The following YARS1 variants were observed in gnomAD, a reference collection of about 807,000 sequenced individuals.
YARS1 encodes the protein tyrosine--tRNA ligase, cytoplasmic.
In YARS1, 36 loss-of-function variants were observed where a neutral mutation model predicts 62.2. The ratio of observed to expected loss-of-function variants is 0.58; its 90% confidence interval spans 0.44 to 0.76. The LOEUF is 0.76. Ranked by LOEUF, YARS1 falls within the 30% of genes least tolerant of loss-of-function variation. The pLI is 0.00. For synonymous variants in YARS1, 234 were observed against 244.9 expected (o/e 0.96, Z 0.42); for missense variants, 524 against 639.8 (o/e 0.82, Z 1.95).
chr1:32,782,750 T>C (rs571599949), intron 8 of YARS1: 75 of 624,382 alleles, frequency 1.2e-4, no homozygotes, highest in African/African-American at 1.2e-3. Context: ...CTATACTAAC[T>C]TGAGGGTGTT....
intron 3 of YARS1, among the ~76,000 whole-genome samples, chr1:32,808,757 T>C (rs1302319255): frequency 2.6e-5 from 4 of 152,220 alleles, no homozygotes; most frequent in Non-Finnish European, 4.4e-5. Context: ...AGGGCTTCCC[T>C]AACCAACTCA....
chr1:32,798,012 A>G (rs1569747938), intron 4 of YARS1, 169 bp from the exon 5 acceptor site: 2 of 619,650 alleles, frequency 3.2e-6, no homozygotes, highest in East Asian at 6.0e-5. Context: ...TTGGGATTAC[A>G]GACATGCACC....
chr1:32,775,826 G>A lies in YARS1; in HGVS notation c.*155C>T, dbSNP rs1652837086. On this transcript the variant is annotated 3_prime_UTR_variant, in exon 13 of 13. Transcript: ENST00000373477. ...CAGGATGATCCTGGGTTCTGGGGAG[G>A]GTAAGCTGCCCCTTGCCGAGTTCTG... 1 of 707,026 alleles carries A rather than the reference G, an allele frequency of 1.4e-6. No homozygotes were observed. Among genetic ancestry groups the A allele is most frequent in the Non-Finnish European group, 2.5e-6 (1 of 405,926 alleles). 43.8% of individuals were successfully genotyped at this position (707,026 alleles called of 1,614,324 possible).
chr1:32,791,284 G>A (rs748221693), intron 5 of YARS1, 30 bp from the exon 6 acceptor site: 15 of 1,574,152 alleles, frequency 9.5e-6, no homozygotes, highest in African/African-American at 4.1e-5. Flanking sequence ...CACAAAAGCC[G>A]ATATTAGTCT....
At chr1:32,785,473 C>A (rs1418799035) in intron 8 of YARS1, among the ~76,000 whole-genome samples, 41 of 150,720 alleles carry the variant, frequency 2.7e-4, no homozygotes, top group South Asian at 1.0e-3. Context: ...AAAAAAAAAA[C>A]CCCACAAAAA....
chr1:32,786,869 T>A (rs557128979), intron 7 of YARS1, 71 bp downstream of exon 7: 9 of 1,601,022 alleles, frequency 5.6e-6, no homozygotes, highest in Middle Eastern at 1.7e-4. Context: ...CTGTGACAAA[T>A]CACAAGTATG....
At chr1:32,777,723 T>C (rs1193592589) in intron 12 of YARS1, among the ~76,000 whole-genome samples, 2 of 151,956 alleles carry the variant, frequency 1.3e-5, no homozygotes, top group East Asian at 3.9e-4. Context: ...GTCCAGGAGG[T>C]TTACAGGCTT....
At chr1:32,817,095 C>T (rs932929544) in intron 1 of YARS1, 93 bp downstream of exon 1, 2 of 1,517,632 alleles carry the variant, frequency 1.3e-6, no homozygotes, top group Non-Finnish European at 1.8e-6. Context: ...GAGTCCCCGG[C>T]CCCACATACT....
At chr1:32,781,011 C>T in intron 10 of YARS1, 37 bp downstream of exon 10, 1 of 1,596,500 alleles carries the variant, frequency 6.3e-7, no homozygotes, top group Middle Eastern at 1.7e-4. Context: ...AACCTGACCC[C>T]AATCTGCCTC....
intron 10 of YARS1, chr1:32,780,706 T>C (rs1653023470): frequency 7.1e-6 from 3 of 425,208 alleles, no homozygotes; most frequent in African/African-American, 2.0e-5. Context: ...TCCACCACTT[T>C]CTGAAGGGGG....
chr1:32,780,026 G>A (rs1324475358), intron 11 of YARS1, 59 bp downstream of exon 11: 7 of 1,599,754 alleles, frequency 4.4e-6, no homozygotes, highest in South Asian at 1.1e-5. Flanking sequence ...CATATGGGCT[G>A]ATTCCCTACT....
In YARS1 at chr1:32,780,748, C is replaced by G; in HGVS notation, c.1140+300G>C. The stretch of plus-strand genomic sequence containing the variant: ...GGCCCATCCAAGATAAGGCCTGTAG[C>G]TAGTCCAGGCAAGCCGATAGGGATC... On this transcript the variant is annotated intron_variant, in intron 10 of 12. Coordinates refer to ENST00000373477, the MANE Select transcript of YARS1 (RefSeq NM_003680.4). The G allele has an allele frequency of 2.8e-5, 13 of 468,988 alleles. 1 individual carries two copies. The highest frequency in any genetic ancestry group is 2.7e-4 in the South Asian group (13 of 48,214). 29.1% of individuals were successfully genotyped at this position (468,988 alleles called of 1,614,324 possible). A position where few individuals can be genotyped will look rare whatever the true frequency, so the allele number is the denominator to read the frequency against.
intron 5 of YARS1, among the ~76,000 whole-genome samples, chr1:32,793,258 C>A (rs1419466409): frequency 6.6e-6 from 1 of 152,148 alleles, no homozygotes; most frequent in Non-Finnish European, 1.5e-5. Flanking sequence ...TTATGGCAGA[C>A]AATTTCCCAA....
chr1:32,812,588 A>G (rs537109382), intron 1 of YARS1, among the ~76,000 whole-genome samples: 51 of 152,348 alleles, frequency 3.3e-4, no homozygotes, highest in African/African-American at 1.2e-3. Context: ...TCTTTTCTGG[A>G]AAGTCTGACA....
At chr1:32,795,104 G>C (rs765554472) in intron 5 of YARS1, among the ~76,000 whole-genome samples, 13 of 151,438 alleles carry the variant, frequency 8.6e-5, no homozygotes, top group Non-Finnish European at 1.6e-4. Context: ...AGGATCATGA[G>C]GTCAGGAGAC....
intron 5 of YARS1, among the ~76,000 whole-genome samples, chr1:32,796,384 G>A (rs964174331): frequency 1.1e-4 from 16 of 146,288 alleles, no homozygotes; most frequent in African/African-American, 3.6e-4. Flanking sequence ...TTTTTTTTCA[G>A]AGACAAGGTC....
chr1:32,813,696 T>C (rs923738956), intron 1 of YARS1, among the ~76,000 whole-genome samples: 20 of 152,218 alleles, frequency 1.3e-4, no homozygotes, highest in African/African-American at 4.1e-4. Flanking sequence ...CAGTTGTCTC[T>C]TCTTTTGGGC....
rs186062156 is a variant in YARS1 at position 32,780,859 on chromosome 1, T to C, written c.1140+189A>G. On this transcript the variant is annotated intron_variant, in intron 10 of 12. Coordinates refer to ENST00000373477, the MANE Select transcript of YARS1 (RefSeq NM_003680.4). ...CCCCATGCTGAGTTCCTGGCTGTGT[T>C]TGGTTGCATAATATCCACAGGCAAC... 1.5e-5 allele frequency: 10 copies of C among 651,804 alleles called. No individual in the cohort carries two copies. In the East Asian group the frequency reaches 2.8e-4, roughly 18 times the overall value. 40.4% of individuals were successfully genotyped at this position (651,804 alleles called of 1,614,324 possible).
chr1:32,785,113 C>A (rs980943542), intron 8 of YARS1, among the ~76,000 whole-genome samples: 10 of 152,152 alleles, frequency 6.6e-5, no homozygotes, highest in Admixed American at 3.3e-4. Flanking sequence ...AATCTGGGAA[C>A]CACCTGAATC....
Sources: allele counts gnomAD v4.1 joint callset (sites outside exome capture counted in the v4.1 genomes callset), GRCh38; gene constraint gnomAD v4.1.1; transcripts MANE v1.5; gene names NCBI Gene and HGNC (gene_info 2026-07-23, HGNC 2026-07-21).